The following SNX25 variants were observed in gnomAD, a reference collection of about 807,000 sequenced individuals.
SNX25 encodes the protein sorting nexin 25.
Under a neutral mutation model 113.7 loss-of-function variants are expected in SNX25, and 62 were observed. That is an observed-to-expected ratio of 0.55 (90% CI 0.44 to 0.67). SNX25 has a LOEUF of 0.67. Among genes scored for constraint, SNX25 ranks in the 30% least tolerant of loss-of-function variants. The pLI is 0.00. For missense variants in SNX25, 1,014 were observed against 1,161.0 expected (o/e 0.87, Z 1.84); for synonymous variants, 421 against 436.2 (o/e 0.97, Z 0.43).
intron 1 of SNX25, among the ~76,000 whole-genome samples, chr4:185,241,511 A>AGAGGGAGAGGGAGAGGAGGGAGAG (rs1744015295): frequency 5.2e-5 from 1 of 19,074 alleles, no homozygotes; most frequent in Non-Finnish European, 9.8e-5. Context: ...GACCGTGGGG[A>AGAGGGAGAGGGAGAGGAGGGAGAG]GAGGGAGAGG....
chr4:185,233,960 C>T (rs1742236852), intron 1 of SNX25, among the ~76,000 whole-genome samples: 1 of 152,150 alleles, frequency 6.6e-6, no homozygotes, highest in Non-Finnish European at 1.5e-5. Context: ...CGGGTTCACA[C>T]CATTCTCCTG....
At chr4:185,365,034 G>GTC (rs1330697624), downstream of SNX25, 1 of 152,078 alleles carries the variant, frequency 6.6e-6, no homozygotes, top group African/African-American at 2.4e-5. Context: ...GTGTGTGTGT[G>GTC]TGTGTGTAAG....
intron 1 of SNX25, among the ~76,000 whole-genome samples, chr4:185,217,310 A>C (rs1209765878): frequency 1.3e-5 from 2 of 152,132 alleles, no homozygotes; most frequent in African/African-American, 4.8e-5. Flanking sequence ...AGAGTTAATG[A>C]AGCTGTGTGA....
chr4:185,354,823 G>C (rs1053458645), intron 15 of SNX25, among the ~76,000 whole-genome samples: 13 of 152,238 alleles, frequency 8.5e-5, no homozygotes, highest in African/African-American at 3.1e-4. Context: ...TAGAGCCTCA[G>C]TACCAGCTAG....
At chr4:185,239,365 C>T (rs1344406898) in intron 1 of SNX25, among the ~76,000 whole-genome samples, 3 of 152,072 alleles carry the variant, frequency 2.0e-5, no homozygotes, top group East Asian at 3.9e-4. Context: ...CACCTGTAGT[C>T]CCAGCTACTC....
Position 185,247,311 on chromosome 4 carries a change from C to T in SNX25, c.447C>T (p.Asn149=). ...CATTTCAGAGTCCTGTGTATGGAAACTCACATGAGTCAGCTCAGTCTAGAA... is the reference window on the plus strand; with the variant it reads ...CATTTCAGAGTCCTGTGTATGGAAATTCACATGAGTCAGCTCAGTCTAGAA... ...RRPPGSPVYG[N]SHESAQSRRV... is the part of the protein sequence containing the mutation. The change falls in exon 2 of 19, where the codon AAC becomes AAT. Residue 149 remains asparagine (N), a synonymous_variant. Coordinates refer to ENST00000652585, the MANE Select transcript of SNX25 (RefSeq NM_001378034.2). The T allele has an allele frequency of 6.2e-7, 1 of 1,602,988 alleles. No homozygotes were observed.
chr4:185,267,463 C>T (rs1579546822), intron 5 of SNX25, among the ~76,000 whole-genome samples: 1 of 152,130 alleles, frequency 6.6e-6, no homozygotes, highest in Middle Eastern at 3.4e-3. Flanking sequence ...CACAGTGGCT[C>T]AAAAGTGCTG....
intron 1 of SNX25, among the ~76,000 whole-genome samples, chr4:185,230,095 G>T (rs1741605273): frequency 6.6e-6 from 1 of 152,122 alleles, no homozygotes; most frequent in African/African-American, 2.4e-5. Context: ...CTCCCAAAAT[G>T]CTGGGATTAT....
At chr4:185,376,889 G>T in the SNX25 span, 18 of 1,556,272 alleles carry the variant, frequency 1.2e-5, no homozygotes, top group Non-Finnish European at 1.6e-5. Flanking sequence ...AAATGAAAAC[G>T]AATAAACAAA....
intron 1 of SNX25, among the ~76,000 whole-genome samples, chr4:185,214,052 C>G (rs551587350): frequency 6.6e-6 from 1 of 151,594 alleles, no homozygotes; most frequent in Non-Finnish European, 1.5e-5. Context: ...AATTATTTCT[C>G]TCTCTCTTCT....
At chr4:185,362,807 T>C in intron 18 of SNX25, 96 bp downstream of exon 18, 1 of 744,028 alleles carries the variant, frequency 1.3e-6, no homozygotes, top group Non-Finnish European at 2.3e-6. Context: ...TGCAGCACTC[T>C]CATTCTCACA....
At chr4:185,294,284 T>A (rs1377789592) in intron 6 of SNX25, among the ~76,000 whole-genome samples, 1 of 152,090 alleles carries the variant, frequency 6.6e-6, no homozygotes, top group Admixed American at 6.6e-5. Flanking sequence ...AAGTTTAGGG[T>A]GTAAAAGAAA....
At chr4:185,313,918 A>T (rs1579746079) in intron 7 of SNX25, among the ~76,000 whole-genome samples, 1 of 152,214 alleles carries the variant, frequency 6.6e-6, no homozygotes, top group Admixed American at 6.5e-5. Flanking sequence ...TGAAAATGTT[A>T]CTAAGAAAAT....
intron 14 of SNX25, among the ~76,000 whole-genome samples, chr4:185,352,222 T>C (rs969380812): frequency 1.3e-5 from 2 of 152,176 alleles, no homozygotes; most frequent in Non-Finnish European, 1.5e-5. Context: ...GGCTGTGCAC[T>C]CCTGTTCACA....
At chr4:185,374,431 G>C, downstream of SNX25, 4 of 1,613,980 alleles carry the variant, frequency 2.5e-6, 1 homozygote, top group South Asian at 4.4e-5. Flanking sequence ...GGAGAATCAA[G>C]AATTTTCTTC....
chr4:185,302,364 G>T (rs930057933), intron 6 of SNX25, among the ~76,000 whole-genome samples: 7 of 152,164 alleles, frequency 4.6e-5, no homozygotes. Context: ...GCCTAGACTT[G>T]CAACTAGTGT....
In SNX25 at chr4:185,264,549, C is replaced by T. The variant is rs774327186; in HGVS notation, c.843C>T (p.Pro281=). The change falls in exon 4 of 19, where the codon CCC becomes CCT. Residue 281 remains proline, a synonymous_variant. Transcript: ENST00000652585. The stretch of plus-strand genomic sequence containing the variant: ...GGGTTCTGGTGTTTTGTCTCCTCCC[C>T]TCAAAGGATGTGCAGTCTCTCAGCT... ...CSRVLVFCLL[P]SKDVQSLSLR... The T allele has an allele frequency of 6.8e-6, 11 of 1,613,924 alleles. No homozygotes were observed. The highest frequency in any genetic ancestry group is 4.0e-5 in the African/African-American group (3 of 74,916).
chr4:185,358,496 C>T (rs1045044065), intron 16 of SNX25, among the ~76,000 whole-genome samples: 2 of 152,160 alleles, frequency 1.3e-5, no homozygotes, highest in Non-Finnish European at 2.9e-5. Flanking sequence ...ACTGCAAAGT[C>T]ATGTAGCCAA....
At chr4:185,316,811 G>T (rs1056989749) in intron 7 of SNX25, among the ~76,000 whole-genome samples, 2 of 152,082 alleles carry the variant, frequency 1.3e-5, no homozygotes, top group Non-Finnish European at 2.9e-5. Flanking sequence ...AATTGATATG[G>T]GTTCCTTTAA....
Sources: gnomAD v4.1 joint callset for allele counts (sites outside exome capture counted in the v4.1 genomes callset) on GRCh38, gnomAD v4.1.1 for gene constraint, MANE v1.5 for transcripts, NCBI Gene and HGNC (gene_info 2026-07-23, HGNC 2026-07-21) for gene names.